The following MEGF11 variants were observed in gnomAD, a reference collection of about 807,000 sequenced individuals.
The protein encoded by MEGF11 is multiple epidermal growth factor-like domains protein 11.
Under a neutral mutation model 146.6 loss-of-function variants are expected in MEGF11, and 126 were observed. The observed-to-expected ratio is 0.86, with a 90% CI of 0.74 to 1.00. The LOEUF is 1.00. Among genes scored for constraint, MEGF11 ranks in the 50% least tolerant of loss-of-function variants. MEGF11 has a pLI of 0.00. For missense variants in MEGF11, 1,509 were observed against 1,521.2 expected, an observed-to-expected ratio of 0.99 and a Z score of 0.13; for synonymous variants, 532 against 583.4, an observed-to-expected ratio of 0.91 and a Z score of 1.27.
In MEGF11 at chr15:65,902,133, A is replaced by G. The variant is rs1169302873; in HGVS notation, c.3056-3199T>C. ...CTAAGCTCTTAAGTTTTTTGTGGAT[A>G]TCCCATGACTGAGTTAGGGCAGTAG... On this transcript the variant is annotated intron_variant, in intron 24 of 25. Coordinates refer to ENST00000395614, the MANE Select transcript of MEGF11 (RefSeq NM_001385028.1). The G allele has an allele frequency of 2.6e-5, 4 of 152,240 alleles. 1 individual carries two copies. Among genetic ancestry groups the G allele is most frequent in the Admixed American group, 6.5e-5 (1 of 15,276 alleles). 9.4% of individuals were successfully genotyped at this position (152,240 alleles called of 1,614,324 possible).
At chr15:66,240,173 G>A (rs78780558) in intron 1 of MEGF11, among the ~76,000 whole-genome samples, 5 of 152,240 alleles carry the variant, frequency 3.3e-5, no homozygotes, top group Non-Finnish European at 7.3e-5. Context: ...CTGCTCTGCT[G>A]TGGAAGGGCC....
intron 5 of MEGF11, among the ~76,000 whole-genome samples, chr15:66,080,105 G>A (rs2085784107): frequency 6.6e-6 from 1 of 152,188 alleles, no homozygotes; most frequent in Non-Finnish European, 1.5e-5. Context: ...GGACATCAAG[G>A]CCGGCAGACC....
chr15:66,026,569 G>A (rs932647382), intron 5 of MEGF11, among the ~76,000 whole-genome samples: 1 of 151,996 alleles, frequency 6.6e-6, no homozygotes, highest in Non-Finnish European at 1.5e-5. Flanking sequence ...CTGCAACCTC[G>A]GCCTCCCTGC....
rs1393359664 is a variant in MEGF11 at position 65,964,990 on chromosome 15, A to T, written c.1030T>A (p.Cys344Ser). ...CCCTCCGGGCACAGTCGCTCCTGGCAGCGTGGGCCCTTGTAGCCAGGCTCA... is the reference window on the plus strand; with the variant it reads ...CCCTCCGGGCACAGTCGCTCCTGGCTGCGTGGGCCCTTGTAGCCAGGCTCA... The part of the protein sequence containing the change: ...ECEPGYKGPR[C>S]QERLCPEGLH... The change falls in exon 9 of 26, where the codon TGC (cysteine) becomes AGC (serine). Residue 344 changes from cysteine (C) to serine (S), a missense_variant. Physicochemically the swap from Cys to Ser is moderately radical, Grantham distance 112. Transcript: ENST00000395614. The T allele has an allele frequency of 1.9e-6, 3 of 1,568,524 alleles. No individual in the cohort carries two copies. The highest frequency in any genetic ancestry group is 2.6e-6 in the Non-Finnish European group (3 of 1,157,036).
At chr15:66,157,509 T>C (rs1490348365) in intron 1 of MEGF11, among the ~76,000 whole-genome samples, 1 of 152,202 alleles carries the variant, frequency 6.6e-6, no homozygotes, top group Non-Finnish European at 1.5e-5. Context: ...GCACCTACTA[T>C]GTACAAGGCT....
rs2084549697 is a variant in MEGF11, at chr15:66,053,714, A to ATTTTTTTTTTTTTTTT, written c.394+40687_394+40688insAAAAAAAAAAAAAAAA. On this transcript the variant is annotated intron_variant, in intron 5 of 25. Transcript: ENST00000395614. The stretch of plus-strand genomic sequence containing the variant: ...ACTCAGCTCCCCCTCCCCTGGCACC[A>ATTTTTTTTTTTTTTTT]ATTTTTTTTTTTTTTTTTTTTTTTT... Among the ~76,000 whole-genome samples the ATTTTTTTTTTTTTTTT allele has an allele frequency of 1.4e-4, 6 of 42,268 alleles. 3 individuals are homozygous for ATTTTTTTTTTTTTTTT. The highest frequency in any genetic ancestry group is 1.3e-4 in the Non-Finnish European group (2 of 15,512). The allele number at this position is 42,268 out of a possible 152,430, so 27.7% of individuals were successfully genotyped here. A position where few individuals can be genotyped will look rare whatever the true frequency, so the allele number is the denominator to read the frequency against.
chr15:65,897,909 A>T lies in MEGF11; in HGVS notation c.*25T>A. On this transcript the variant is annotated 3_prime_UTR_variant, in exon 26 of 26. Transcript: ENST00000395614. ...AGAGTCAGAATATTCAGTAGAGCAC[A>T]CTGCAAGAGAGAAGCTTATCCCTCT... 6.2e-7 allele frequency: 1 copy of T among 1,607,314 alleles called. No individual in the cohort carries two copies. Among genetic ancestry groups the T allele is most frequent in the Non-Finnish European group, 8.5e-7 (1 of 1,176,282 alleles).
intron 5 of MEGF11, among the ~76,000 whole-genome samples, chr15:66,065,741 T>C (rs1332319342): frequency 6.6e-6 from 1 of 152,152 alleles, no homozygotes; most frequent in Non-Finnish European, 1.5e-5. Context: ...TGAGATTTTT[T>C]CCCCCTATTG....
At chr15:66,219,898 A>G (rs1465135415) in intron 1 of MEGF11, among the ~76,000 whole-genome samples, 1 of 152,210 alleles carries the variant, frequency 6.6e-6, no homozygotes, top group Non-Finnish European at 1.5e-5. Context: ...TGGTACATCC[A>G]TACCGTATAT....
chr15:66,238,436 G>A lies in MEGF11; in HGVS notation c.-9+15169C>T, dbSNP rs552855952. Reference sequence around the variant, plus strand: ...CCCTTTCAATGAGGAGACAGGGAAGGTTGGAGGAGATCCCCACACGCACTC... The same window carrying A: ...CCCTTTCAATGAGGAGACAGGGAAGATTGGAGGAGATCCCCACACGCACTC... On this transcript the variant is annotated intron_variant, in intron 1 of 25. Transcript: ENST00000395614. Among the ~76,000 whole-genome samples, 53 of 152,310 alleles carry A rather than the reference G, an allele frequency of 3.5e-4. No individual in the cohort carries two copies. In the South Asian group the frequency reaches 3.9e-3, roughly 11 times the overall value.
chr15:66,063,339 C>T (rs182072634), intron 5 of MEGF11, among the ~76,000 whole-genome samples: 1 of 152,196 alleles, frequency 6.6e-6, no homozygotes, highest in East Asian at 1.9e-4. Flanking sequence ...ATGGATGGGG[C>T]AAGGTCAGAT....
intron 5 of MEGF11, among the ~76,000 whole-genome samples, chr15:66,039,715 C>A (rs1239485699): frequency 2.0e-5 from 3 of 152,260 alleles, no homozygotes; most frequent in East Asian, 3.9e-4. Flanking sequence ...CACCTCCAGA[C>A]AGAGCAGAGG....
chr15:66,018,494 C>T (rs1265570512), intron 5 of MEGF11, among the ~76,000 whole-genome samples: 1 of 152,240 alleles, frequency 6.6e-6, no homozygotes, highest in African/African-American at 2.4e-5. Context: ...GTAAGGTGAA[C>T]CCCAGATGCC....
intron 1 of MEGF11, among the ~76,000 whole-genome samples, chr15:66,207,319 C>T (rs1027701187): frequency 2.6e-5 from 4 of 152,184 alleles, no homozygotes; most frequent in East Asian, 1.9e-4. Flanking sequence ...AGAAGCAATT[C>T]GTCCTGTACA....
At chr15:66,115,941 T>C (rs939831156) in intron 4 of MEGF11, among the ~76,000 whole-genome samples, 7 of 152,244 alleles carry the variant, frequency 4.6e-5, no homozygotes, top group African/African-American at 1.4e-4. Context: ...GCCCCAGAAC[T>C]GTGAGACGAT....
chr15:66,192,523 A>AAT (rs1229718787), intron 1 of MEGF11, among the ~76,000 whole-genome samples: 4 of 121,542 alleles, frequency 3.3e-5, no homozygotes, highest in Non-Finnish European at 3.4e-5. Flanking sequence ...AATAAAATAA[A>AAT]ATAAAATAAA....
At chr15:66,078,714 G>T (rs1242340481) in intron 5 of MEGF11, among the ~76,000 whole-genome samples, 1 of 152,216 alleles carries the variant, frequency 6.6e-6, no homozygotes, top group Non-Finnish European at 1.5e-5. Context: ...GTGGGGCTGG[G>T]GAGGGGTATC....
At chr15:66,148,991 T>C (rs1247475025) in intron 1 of MEGF11, among the ~76,000 whole-genome samples, 2 of 152,192 alleles carry the variant, frequency 1.3e-5, no homozygotes, top group Non-Finnish European at 2.9e-5. Flanking sequence ...TGTAAGGAGA[T>C]GCTGAAAAGA....
chr15:65,917,668 C>T (rs2079046498), intron 16 of MEGF11, among the ~76,000 whole-genome samples: 1 of 152,198 alleles, frequency 6.6e-6, no homozygotes, highest in South Asian at 2.1e-4. Flanking sequence ...CACCTCTTCC[C>T]CATCCAAACT....
Sources: gnomAD v4.1 joint callset for allele counts (sites outside exome capture counted in the v4.1 genomes callset) on GRCh38, gnomAD v4.1.1 for gene constraint, MANE v1.5 for transcripts, NCBI Gene and HGNC (gene_info 2026-07-23, HGNC 2026-07-21) for gene names.